The following ZMYND15 variants were observed in gnomAD, a reference collection of about 807,000 sequenced individuals.
ZMYND15 encodes zinc finger MYND-type containing 15, also known as zinc finger MYND domain-containing protein 15.
In ZMYND15, 54 loss-of-function variants were observed where a neutral mutation model predicts 81.7. That is an observed-to-expected ratio of 0.66 (90% CI 0.53 to 0.83). The LOEUF (loss-of-function observed/expected upper bound fraction) is 0.83, where lower values mean the gene tolerates loss of function less well. Among genes scored for constraint, ZMYND15 ranks in the 40% least tolerant of loss-of-function variants. The pLI is 0.00. For missense variants in ZMYND15, 925 were observed against 973.5 expected, an observed-to-expected ratio of 0.95 and a Z score of 0.66; for synonymous variants, 399 against 387.0, an observed-to-expected ratio of 1.03 and a Z score of -0.36.
chr17:4,740,964 T>C lies in ZMYND15; in HGVS notation c.416T>C (p.Val139Ala). 3 of 1,570,184 alleles carry C rather than the reference T, an allele frequency of 1.9e-6. No individual in the cohort carries two copies. The highest frequency in any genetic ancestry group is 8.6e-7 in the Non-Finnish European group (1 of 1,157,162). ...GGGGGTGCAGGCAGCACAGAGAAGG[T>C]GGAACCAGAGGAGGACCGGGAGCTA... Reference protein sequence around the residue: ...EDGGAGSTEKVEPEEDRELAP... With the variant: ...EDGGAGSTEKAEPEEDRELAP... The change falls in exon 2 of 14, where the codon GTG (valine) becomes GCG (alanine). Residue 139 changes from valine (V) to alanine (A), a missense_variant. Transcript: ENST00000433935.
At chr17:4,740,437 C>G in intron 1 of ZMYND15, 82 bp from the exon 2 acceptor site, 1 of 1,426,302 alleles carries the variant, frequency 7.0e-7, no homozygotes, top group Non-Finnish European at 9.2e-7. Flanking sequence ...CTCAAACCTA[C>G]CCTCTCCCTC....
Position 4,746,069 on chromosome 17 carries a change from A to G in ZMYND15, c.*79A>G. ...AACACTCAAGGCCTAGGGGGAGGAC[A>G]GGTTGGTAAAACATGAAAAGGTAAA... is the stretch of plus-strand genomic sequence containing the variant. On this transcript the variant is annotated 3_prime_UTR_variant, in exon 14 of 14. Transcript: ENST00000433935. 7.6e-7 allele frequency: 1 copy of G among 1,312,220 alleles called. No homozygotes were observed. Among genetic ancestry groups the G allele is most frequent in the Non-Finnish European group, 9.8e-7 (1 of 1,016,016 alleles). 81.3% of individuals were successfully genotyped at this position (1,312,220 alleles called of 1,614,324 possible).
intron 1 of ZMYND15, 26 bp downstream of exon 1, chr17:4,740,076 A>C: frequency 2.0e-6 from 2 of 986,164 alleles, no homozygotes; most frequent in Non-Finnish European, 2.4e-6. Flanking sequence ...GGCGGCCGGG[A>C]GGGGCTAGGT....
At chr17:4,742,259 G>C (rs992240526) in intron 4 of ZMYND15, 72 bp from the exon 5 acceptor site, 8 of 1,583,206 alleles carry the variant, frequency 5.1e-6, no homozygotes, top group African/African-American at 1.3e-5. Context: ...ATGGGCAGCT[G>C]CTGGGCAGTT....
In ZMYND15 at chr17:4,743,874, T is replaced by C; in HGVS notation, c.1378+27T>C. On this transcript the variant is annotated intron_variant, in intron 7 of 13. Coordinates refer to ENST00000433935, the MANE Select transcript of ZMYND15 (RefSeq NM_001136046.3). This position sits in a 1 kb window ranked among gnomAD's most constrained non-coding sequence, Gnocchi z 4.3. Reference sequence around the variant, plus strand: ...TGAGCTGGAGGGGCCCTGTGGAAGCTAGGGGTAGGGCCAGGGACTGGAGAA... The same window carrying C: ...TGAGCTGGAGGGGCCCTGTGGAAGCCAGGGGTAGGGCCAGGGACTGGAGAA... The C allele has an allele frequency of 6.2e-7, 1 of 1,611,438 alleles. No homozygotes were observed. Among genetic ancestry groups the C allele is most frequent in the Non-Finnish European group, 8.5e-7 (1 of 1,178,664 alleles).
In ZMYND15 at chr17:4,739,899, A is replaced by T. The variant is rs1916303410; in HGVS notation, c.-182A>T. ...GTCGCCGCCAGCCCCGGCCGCGCGCACCTGCGGGGCAGCCACCCGCGGACG... is the reference window on the plus strand; with the variant it reads ...GTCGCCGCCAGCCCCGGCCGCGCGCTCCTGCGGGGCAGCCACCCGCGGACG... On this transcript the variant is annotated 5_prime_UTR_variant, in exon 1 of 14. Transcript: ENST00000433935. The surrounding 1 kb of genome is among the most constrained non-coding windows in gnomAD (Gnocchi z 5.3). The T allele has an allele frequency of 7.1e-6, 7 of 985,290 alleles. No individual in the cohort carries two copies. Among genetic ancestry groups the T allele is most frequent in the Non-Finnish European group, 8.4e-6 (7 of 830,074 alleles). 61.0% of individuals were successfully genotyped at this position (985,290 alleles called of 1,614,324 possible).
At position 4,742,434 on chromosome 17, in the gene ZMYND15, G is replaced by T. The variant is rs1916469183; in HGVS notation, c.1087G>T (p.Ala363Ser). The change falls in exon 5 of 14, where the codon GCA becomes TCA. Residue 363 changes from alanine (A) to serine (S), a missense_variant. Physicochemically the swap from Ala to Ser is moderately conservative, Grantham distance 99. Coordinates refer to ENST00000433935, the MANE Select transcript of ZMYND15 (RefSeq NM_001136046.3). ...TCACCGATTTTGGTGCCCAAGGCTT[G>T]CAGCCTTCATGGAGCGGGCAGGAGA... is the stretch of plus-strand genomic sequence containing the variant. ...VSHRFWCPRLAAFMERAGELA... is the reference protein window; with the variant it reads ...VSHRFWCPRLSAFMERAGELA... The T allele has an allele frequency of 1.2e-6, 2 of 1,614,068 alleles. No homozygotes were observed. The highest frequency in any genetic ancestry group is 4.5e-5 in the East Asian group (2 of 44,894).
rs777575594 is a variant in ZMYND15, at chr17:4,745,878, G to T, written c.2117G>T (p.Arg706Leu). Residue 706 changes from arginine to leucine, a missense_variant, in exon 14 of 14, where the codon CGC becomes CTC. Physicochemically the swap from Arg to Leu is moderately radical, Grantham distance 102. Transcript: ENST00000433935. The surrounding 1 kb of genome is among the most constrained non-coding windows in gnomAD (Gnocchi z 5.2). The stretch of plus-strand genomic sequence containing the variant: ...AAGCCTGCTCAAGGGAGCGGGGCCC[G>T]CCCGGCGCCCGGGCCCCCACCCCCA... ...VYKPAQGSGA[R>L]PAPGPPPPSP... 2 of 1,571,394 alleles carry T rather than the reference G, an allele frequency of 1.3e-6. No homozygotes were observed. Among genetic ancestry groups the T allele is most frequent in the African/African-American group, 1.4e-5 (1 of 72,518 alleles).
At position 4,743,826 on chromosome 17, in the gene ZMYND15, C is replaced by T. The variant is rs764089939; in HGVS notation, c.1357C>T (p.His453Tyr). ...GTALMPPVPP[H>Y]PPRGVFGSWQ... ...TGCCCTGATGCCTCCTGTGCCCCCACATCCACCCCGGGGTGTTTTTGGTGA... is the reference window on the plus strand; with the variant it reads ...TGCCCTGATGCCTCCTGTGCCCCCATATCCACCCCGGGGTGTTTTTGGTGA... Residue 453 changes from histidine (H) to tyrosine (Y), a missense_variant, in exon 7 of 14, where the codon CAT becomes TAT. Physicochemically the swap from His to Tyr is moderately conservative, Grantham distance 83 (BLOSUM62 2). Coordinates refer to ENST00000433935, the MANE Select transcript of ZMYND15 (RefSeq NM_001136046.3). This position sits in a 1 kb window ranked among gnomAD's most constrained non-coding sequence, Gnocchi z 4.3. 1.1e-5 allele frequency: 17 copies of T among 1,614,042 alleles called. No individual in the cohort carries two copies. Among genetic ancestry groups the T allele is most frequent in the Non-Finnish European group, 1.4e-5 (16 of 1,179,978 alleles).
chr17:4,744,581 C>T lies in ZMYND15; in HGVS notation c.1684-44C>T, dbSNP rs759701840. The T allele has an allele frequency of 1.9e-6, 3 of 1,603,120 alleles. No homozygotes were observed. Among genetic ancestry groups the T allele is most frequent in the South Asian group, 2.2e-5 (2 of 90,082 alleles). Reference sequence around the variant, plus strand: ...CTTGCCTGGTGCATCCTCCAGTTCCCTGACTTCCAGTGGCTTTTCCACCCC... The same window carrying T: ...CTTGCCTGGTGCATCCTCCAGTTCCTTGACTTCCAGTGGCTTTTCCACCCC... On this transcript the variant is annotated intron_variant, in intron 10 of 13. Coordinates refer to ENST00000433935, the MANE Select transcript of ZMYND15 (RefSeq NM_001136046.3). The surrounding 1 kb of genome is among the most constrained non-coding windows in gnomAD (Gnocchi z 4.1).
Position 4,740,880 on chromosome 17 carries a change from A to T in ZMYND15, c.332A>T (p.Asp111Val). The T allele has an allele frequency of 6.3e-7, 1 of 1,578,818 alleles. No homozygotes were observed. Among genetic ancestry groups the T allele is most frequent in the Non-Finnish European group, 8.6e-7 (1 of 1,160,368 alleles). The change falls in exon 2 of 14, where the codon GAT becomes GTT. Residue 111 changes from aspartate to valine, a missense_variant. By Grantham distance (152) the Asp-to-Val change is radical. Transcript: ENST00000433935. ...SPYISFVSLE[D>V]GEEGEEEEEE... ...TACATCAGCTTTGTCAGCCTAGAGG[A>T]TGGGGAGGAAGGGGAGGAGGAAGAG...
rs746236424 is a variant in ZMYND15, at chr17:4,744,796, A to G, written c.1837+18A>G. Reference sequence around the variant, plus strand: ...GGTTATTGGTAAAAGCCTGGGTCTCAGGGTTAGGCATGTGGGGAAGGTGGG... The same window carrying G: ...GGTTATTGGTAAAAGCCTGGGTCTCGGGGTTAGGCATGTGGGGAAGGTGGG... On this transcript the variant is annotated intron_variant, in intron 11 of 13. Coordinates refer to ENST00000433935, the MANE Select transcript of ZMYND15 (RefSeq NM_001136046.3). The surrounding 1 kb of genome is among the most constrained non-coding windows in gnomAD (Gnocchi z 4.1). 2 of 1,614,114 alleles carry G rather than the reference A, an allele frequency of 1.2e-6. No homozygotes were observed. The highest frequency in any genetic ancestry group is 2.2e-5 in the South Asian group (2 of 91,084).
chr17:4,744,949 G>A lies in ZMYND15; in HGVS notation c.1896+21G>A, dbSNP rs1288005429. 22 of 1,613,858 alleles carry A rather than the reference G, an allele frequency of 1.4e-5. No homozygotes were observed. The highest frequency in any genetic ancestry group is 1.7e-5 in the Non-Finnish European group (20 of 1,179,922). On this transcript the variant is annotated intron_variant, in intron 12 of 13. Transcript: ENST00000433935. The surrounding 1 kb of genome is among the most constrained non-coding windows in gnomAD (Gnocchi z 4.1). ...TACAGGTGGGCAATGGGGGCAAAAG[G>A]GAACTTCTCTCCCCTCCTGCCTGGC...
In ZMYND15 at chr17:4,740,932, A is replaced by G; in HGVS notation, c.384A>G (p.Arg128=). The G allele has an allele frequency of 6.3e-7, 1 of 1,579,596 alleles. No individual in the cohort carries two copies. Among genetic ancestry groups the G allele is most frequent in the Non-Finnish European group, 8.6e-7 (1 of 1,160,718 alleles). The change falls in exon 2 of 14, where the codon AGA becomes AGG. Residue 128 remains arginine (R), a synonymous_variant. Transcript: ENST00000433935. ...EEEEDEEEEK[R]EDGGAGSTEK... is the part of the protein sequence containing the mutation. ...AGGAAGATGAAGAAGAAGAGAAGAG[A>G]GAGGACGGGGGTGCAGGCAGCACAG...
Position 4,744,198 on chromosome 17 carries a change from C to T in ZMYND15, c.1504C>T (p.Leu502Phe). Residue 502 changes from leucine (L) to phenylalanine (F), a missense_variant, in exon 9 of 14, where the codon CTC becomes TTC. Coordinates refer to ENST00000433935, the MANE Select transcript of ZMYND15 (RefSeq NM_001136046.3). This position sits in a 1 kb window ranked among gnomAD's most constrained non-coding sequence, Gnocchi z 4.1. ...THLVPQSFPE[L>F]NIQNKQSLKI... ...GCTGGTTTTTCACCCAGTCCCTGAG[C>T]TCAACATCCAAAACAAACAGTCACT... 3 of 1,614,138 alleles carry T rather than the reference C, an allele frequency of 1.9e-6. No individual in the cohort carries two copies. Among genetic ancestry groups the T allele is most frequent in the Non-Finnish European group, 2.5e-6 (3 of 1,180,024 alleles).
At chr17:4,741,882 G>A (rs765232453) in intron 3 of ZMYND15, 33 bp from the exon 4 acceptor site, 6 of 1,607,690 alleles carry the variant, frequency 3.7e-6, no homozygotes, top group Non-Finnish European at 5.1e-6. Context: ...ACCTCCTCCA[G>A]CCTGATGCCA....
intron 5 of ZMYND15, among the ~76,000 whole-genome samples, chr17:4,742,981 G>A (rs947247088): frequency 2.6e-5 from 4 of 152,028 alleles, no homozygotes; most frequent in Non-Finnish European, 5.9e-5. Context: ...GTTCTAGGCC[G>A]GGCAATGGTT....
In ZMYND15 at chr17:4,740,659, G is replaced by T. The variant is rs1399170816; in HGVS notation, c.111G>T (p.Glu37Asp). The change falls in exon 2 of 14, where the codon GAG (glutamate) becomes GAT (aspartate). Residue 37 changes from glutamate (E) to aspartate (D), a missense_variant. Physicochemically the swap from Glu to Asp is conservative, Grantham distance 45. Coordinates refer to ENST00000433935, the MANE Select transcript of ZMYND15 (RefSeq NM_001136046.3). Reference protein sequence around the residue: ...AERGAVGTSLEGRCRQLEAQI... With the variant: ...AERGAVGTSLDGRCRQLEAQI... ...GTGGAGCTGTAGGGACTAGCCTTGA[G>T]GGCCGCTGCCGGCAGCTGGAGGCCC... The T allele has an allele frequency of 6.2e-7, 1 of 1,614,198 alleles. No individual in the cohort carries two copies. The highest frequency in any genetic ancestry group is 1.1e-5 in the South Asian group (1 of 91,086).
At chr17:4,742,136 T>C (rs2150627691) in intron 4 of ZMYND15, 66 bp downstream of exon 4, 1 of 1,596,806 alleles carries the variant, frequency 6.3e-7, no homozygotes. Context: ...GGCAGGGTGG[T>C]GGGGGGCGCC....
Sources: allele counts gnomAD v4.1 joint callset (sites outside exome capture counted in the v4.1 genomes callset), GRCh38; gene constraint gnomAD v4.1.1; non-coding constraint Gnocchi (gnomAD v3.1); transcripts MANE v1.5; gene names NCBI Gene and HGNC (gene_info 2026-07-23, HGNC 2026-07-21).